CAST: variants seen among roughly 807,000 people sequenced by gnomAD.
The protein encoded by CAST is calpastatin.
In CAST, 76 loss-of-function variants were observed where a neutral mutation model predicts 119.6. The ratio of observed to expected loss-of-function variants is 0.64; its 90% CI spans 0.53 to 0.77. The LOEUF is 0.77. CAST is among the 30% of genes least tolerant of loss of function. The probability of loss-of-function intolerance (pLI) is 0.00; values close to 1 mark genes in which losing one functional copy is unlikely to be tolerated. For missense variants in CAST, 953 were observed against 946.5 expected, an observed-to-expected ratio of 1.01 and a Z score of -0.09; for synonymous variants, 319 against 331.6, an observed-to-expected ratio of 0.96 and a Z score of 0.41.
chr5:96,238,366 C>CTTCTTCTTCTTCTT, the CAST span, among the ~76,000 whole-genome samples: 14 of 23,234 alleles, frequency 6.0e-4, no homozygotes, highest in East Asian at 4.0e-3. Context: ...TTCTTCTTCT[C>CTTCTTCTTCTTCTT]CTTCTTCTCC....
chr5:96,513,656 C>G, the CAST span, among the ~76,000 whole-genome samples: 1 of 152,186 alleles, frequency 6.6e-6, no homozygotes, highest in Non-Finnish European at 1.5e-5. Flanking sequence ...CGGCTCCACC[C>G]TCATTGCCAG....
At chr5:96,525,818 T>C (rs547789660), upstream of CAST, among the ~76,000 whole-genome samples, 10 of 152,290 alleles carry the variant, frequency 6.6e-5, no homozygotes, top group South Asian at 1.4e-3. Context: ...TCTTTGAAAA[T>C]TGGCGTGCTG....
At chr5:95,966,109 G>A in the CAST span, among the ~76,000 whole-genome samples, 2 of 152,048 alleles carry the variant, frequency 1.3e-5, no homozygotes, top group Non-Finnish European at 2.9e-5. Context: ...TTTTAGGAAG[G>A]GTTTGGGATG....
At chr5:96,709,633 C>T (rs112229132) in intron 3 of CAST, among the ~76,000 whole-genome samples, 1,802 of 152,246 alleles carry the variant, frequency 0.012, 32 homozygotes, top group African/African-American at 0.041. Context: ...TAGCTTGTCA[C>T]ATGCTTATCT....
At chr5:95,984,015 C>G in the CAST span, among the ~76,000 whole-genome samples, 1 of 152,066 alleles carries the variant, frequency 6.6e-6, no homozygotes, top group South Asian at 2.1e-4. Flanking sequence ...AGAATGCAAA[C>G]CTATACTCCT....
the CAST span, among the ~76,000 whole-genome samples, chr5:96,361,408 G>A: frequency 2.0e-5 from 3 of 152,198 alleles, no homozygotes; most frequent in Non-Finnish European, 1.5e-5. Context: ...CTAGCTCAGT[G>A]TCTGCCCAAA....
the CAST span, among the ~76,000 whole-genome samples, chr5:96,209,276 G>A: frequency 1.3e-5 from 2 of 151,908 alleles, no homozygotes; most frequent in Non-Finnish European, 1.5e-5. Flanking sequence ...TATCCAACTT[G>A]CCACTCTGTG....
At chr5:96,503,008 C>A in the CAST span, among the ~76,000 whole-genome samples, 1 of 152,040 alleles carries the variant, frequency 6.6e-6, no homozygotes, top group Non-Finnish European at 1.5e-5. Flanking sequence ...TTTCTGATTT[C>A]TTTTTAAGCT....
At chr5:96,273,216 C>T in the CAST span, among the ~76,000 whole-genome samples, 1 of 152,138 alleles carries the variant, frequency 6.6e-6, no homozygotes, top group Non-Finnish European at 1.5e-5. Context: ...TTTAAGATAA[C>T]TTTTCTATTA....
At position 96,773,989 on chromosome 5, in the gene CAST, C is replaced by T. The variant is rs1156504904; in HGVS notation, c.*1373C>T. 1 of 152,314 alleles carries T rather than the reference C, an allele frequency of 6.6e-6. No homozygotes were observed. The highest frequency in any genetic ancestry group is 2.4e-5 in the African/African-American group (1 of 41,444). The allele number at this position is 152,314 out of a possible 1,614,324, so 9.4% of individuals were successfully genotyped here. A position where few individuals can be genotyped will look rare whatever the true frequency, so the allele number is the denominator to read the frequency against. ...CCAAATACTCTCTGAAAGTCATGCA[C>T]ATACCTATGGGATTTTACACACCAC... On this transcript the variant is annotated 3_prime_UTR_variant, in exon 32 of 32. Coordinates refer to ENST00000675179, the MANE Select transcript of CAST (RefSeq NM_001750.7).
chr5:96,611,049 T>A (rs992975807), intron 1 of CAST, among the ~76,000 whole-genome samples: 1 of 152,112 alleles, frequency 6.6e-6, no homozygotes, highest in African/African-American at 2.4e-5. Flanking sequence ...GGGAAAACAT[T>A]CCATGCTCTA....
At chr5:96,045,214 A>G in the CAST span, among the ~76,000 whole-genome samples, 1 of 152,180 alleles carries the variant, frequency 6.6e-6, no homozygotes, top group Admixed American at 6.5e-5. Flanking sequence ...TTTGCTGGGC[A>G]TGGCGGCAGG....
chr5:96,275,569 C>T, the CAST span, among the ~76,000 whole-genome samples: 2 of 152,200 alleles, frequency 1.3e-5, no homozygotes, highest in Non-Finnish European at 2.9e-5. Flanking sequence ...CACCTCCTTT[C>T]CCTGTCCTCA....
At chr5:96,283,817 C>T in the CAST span, among the ~76,000 whole-genome samples, 1 of 152,314 alleles carries the variant, frequency 6.6e-6, no homozygotes, top group South Asian at 2.1e-4. Flanking sequence ...GTTTATTTAG[C>T]TTAGTTCCTT....
chr5:96,078,398 C>CA, the CAST span, among the ~76,000 whole-genome samples: 6 of 145,680 alleles, frequency 4.1e-5, 1 homozygote, highest in East Asian at 2.0e-4. Flanking sequence ...TCTGATCAAG[C>CA]TTTTTTTTTT....
intron 1 of CAST, among the ~76,000 whole-genome samples, chr5:96,569,013 C>T (rs560331238): frequency 1.3e-5 from 2 of 152,196 alleles, no homozygotes; most frequent in African/African-American, 2.4e-5. Flanking sequence ...CTTCTCTGGA[C>T]ATTGCCACTC....
intron 1 of CAST, among the ~76,000 whole-genome samples, chr5:96,582,438 T>C (rs952507505): frequency 1.3e-5 from 2 of 152,216 alleles, no homozygotes; most frequent in African/African-American, 2.4e-5. Flanking sequence ...CAGTCACTCG[T>C]TGAAAGTGAC....
chr5:96,363,072 C>A, the CAST span, among the ~76,000 whole-genome samples: 6 of 147,578 alleles, frequency 4.1e-5, no homozygotes, highest in African/African-American at 7.6e-5. Context: ...GTTTTCCCAG[C>A]ACCATTTATT....
chr5:96,075,819 T>G, the CAST span, among the ~76,000 whole-genome samples: 2 of 152,166 alleles, frequency 1.3e-5, no homozygotes, highest in Non-Finnish European at 2.9e-5. Flanking sequence ...CCCTTTAAGG[T>G]GAATGAAACA....
Sources: allele counts gnomAD v4.1 joint callset (sites outside exome capture counted in the v4.1 genomes callset), GRCh38; gene constraint gnomAD v4.1.1; transcripts MANE v1.5; gene names NCBI Gene and HGNC (gene_info 2026-07-23, HGNC 2026-07-21).